The following KCNT2 variants were observed in gnomAD, a reference collection of about 807,000 sequenced individuals.
KCNT2 encodes potassium sodium-activated channel subfamily T member 2, also known as potassium channel subfamily T member 2.
KCNT2 carries 67 observed loss-of-function variants against 153.8 expected under a neutral mutation model. The observed-to-expected ratio is 0.44, with a 90% CI of 0.36 to 0.53. The LOEUF (loss-of-function observed/expected upper bound fraction) is 0.53. KCNT2 is among the 20% of genes least tolerant of loss of function. KCNT2 has a pLI of 0.00. For synonymous variants in KCNT2, 500 were observed against 458.8 expected (o/e 1.09, Z -1.15); for missense variants, 975 against 1,354.8 (o/e 0.72, Z 4.40).
intron 22 of KCNT2, among the ~76,000 whole-genome samples, chr1:196,289,602 CAATACCT>C (rs1391529018): frequency 6.6e-6 from 1 of 152,048 alleles, no homozygotes; most frequent in Non-Finnish European, 1.5e-5. Flanking sequence ...GAGGTTCACT[CAATACCT>C]CTATTTTGTC....
intron 1 of KCNT2, among the ~76,000 whole-genome samples, chr1:196,559,461 C>T (rs756499148): frequency 8.6e-5 from 13 of 151,578 alleles, no homozygotes; most frequent in East Asian, 1.9e-4. Flanking sequence ...ATTTCAGATA[C>T]GTTCTTAGGG....
chr1:196,303,340 A>G (rs578018677), intron 22 of KCNT2, among the ~76,000 whole-genome samples: 2 of 152,286 alleles, frequency 1.3e-5, no homozygotes, highest in South Asian at 4.1e-4. Flanking sequence ...CTGCAAAAAT[A>G]TTAAGTTTTA....
At chr1:196,262,503 A>G (rs1231782821) in intron 25 of KCNT2, among the ~76,000 whole-genome samples, 1 of 152,038 alleles carries the variant, frequency 6.6e-6, no homozygotes, top group African/African-American at 2.4e-5. Context: ...AAGAATCCTT[A>G]TCTGATATTT....
chr1:196,496,408 C>T (rs1680258942), intron 1 of KCNT2, among the ~76,000 whole-genome samples: 1 of 149,236 alleles, frequency 6.7e-6, no homozygotes, highest in African/African-American at 2.5e-5. Flanking sequence ...GCAGAGGTTG[C>T]AGTGAGCCGA....
chr1:196,284,686 T>C (rs890866498), intron 23 of KCNT2, among the ~76,000 whole-genome samples: 2 of 152,090 alleles, frequency 1.3e-5, no homozygotes, highest in East Asian at 1.9e-4. Flanking sequence ...CCAGATAATA[T>C]GTCTGGAAAC....
chr1:196,425,756 T>C, intron 11 of KCNT2, 96 bp downstream of exon 11: 1 of 1,264,970 alleles, frequency 7.9e-7, no homozygotes, highest in East Asian at 2.3e-5. Flanking sequence ...CTTTAACACA[T>C]CTTGCAACAC....
chr1:196,378,188 A>T (rs184392556), intron 13 of KCNT2, among the ~76,000 whole-genome samples: 2 of 152,258 alleles, frequency 1.3e-5, no homozygotes, highest in Non-Finnish European at 1.5e-5. Context: ...AGGTTTCTCA[A>T]TTCGTGTGCC....
chr1:196,459,723 G>A (rs1025670303), intron 8 of KCNT2, among the ~76,000 whole-genome samples: 15 of 151,868 alleles, frequency 9.9e-5, no homozygotes, highest in Admixed American at 9.9e-4. Flanking sequence ...TCTGAATGCT[G>A]AAAACTTTCA....
At chr1:196,466,454 C>T (rs1677624202) in intron 7 of KCNT2, among the ~76,000 whole-genome samples, 1 of 151,852 alleles carries the variant, frequency 6.6e-6, no homozygotes, top group Non-Finnish European at 1.5e-5. Context: ...AAAACGTTAT[C>T]CAAATATTCC....
chr1:196,524,487 C>G (rs1653915308), intron 1 of KCNT2, among the ~76,000 whole-genome samples: 1 of 152,100 alleles, frequency 6.6e-6, no homozygotes, highest in Admixed American at 6.6e-5. Flanking sequence ...ATAATTATCA[C>G]TAATGCCATA....
chr1:196,402,612 G>A (rs1046636022), intron 12 of KCNT2, among the ~76,000 whole-genome samples: 13 of 151,400 alleles, frequency 8.6e-5, no homozygotes, highest in African/African-American at 2.9e-4. Context: ...GAAAAACAGA[G>A]GAACCAAAAT....
intron 16 of KCNT2, among the ~76,000 whole-genome samples, chr1:196,335,102 G>A (rs1664889731): frequency 6.6e-6 from 1 of 152,066 alleles, no homozygotes; most frequent in South Asian, 2.1e-4. Flanking sequence ...CTCTCCTTCT[G>A]GAGAAAATAA....
intron 1 of KCNT2, among the ~76,000 whole-genome samples, chr1:196,600,943 G>C (rs1411557733): frequency 6.6e-6 from 1 of 152,122 alleles, no homozygotes; most frequent in Non-Finnish European, 1.5e-5. Flanking sequence ...TTTTGACTTT[G>C]TACTGTGTAT....
Position 196,437,038 on chromosome 1 carries a change from C to T in KCNT2, c.639-7281G>A, listed in dbSNP as rs1254911171. On this transcript the variant is annotated intron_variant, in intron 8 of 27. Transcript: ENST00000294725. The stretch of plus-strand genomic sequence containing the variant: ...TATATTTATATACATAAATATATAT[C>T]ATATATAAATATATATTTATATACA... Among the ~76,000 whole-genome samples, 13 of 4,482 alleles carry T rather than the reference C, an allele frequency of 2.9e-3. No homozygotes were observed. In the South Asian group the frequency reaches 0.088, roughly 30 times the overall value. 2.9% of individuals were successfully genotyped at this position (4,482 alleles called of 152,430 possible). A position where few individuals can be genotyped will look rare whatever the true frequency, so the allele number is the denominator to read the frequency against.
At chr1:196,435,676 T>C (rs1674595102) in intron 8 of KCNT2, among the ~76,000 whole-genome samples, 2 of 151,718 alleles carry the variant, frequency 1.3e-5, no homozygotes, top group Non-Finnish European at 3.0e-5. Flanking sequence ...CATGCTCTAA[T>C]ACAAAGTTCA....
intron 21 of KCNT2, among the ~76,000 whole-genome samples, chr1:196,309,387 A>G (rs1171457440): frequency 6.6e-6 from 1 of 151,982 alleles, no homozygotes; most frequent in Non-Finnish European, 1.5e-5. Flanking sequence ...ATATGTAGCT[A>G]GAAGTATTTG....
At chr1:196,462,652 C>CTTAA (rs1370798160) in intron 8 of KCNT2, among the ~76,000 whole-genome samples, 1 of 151,440 alleles carries the variant, frequency 6.6e-6, no homozygotes, top group Non-Finnish European at 1.5e-5. Flanking sequence ...ATGCTATTTG[C>CTTAA]TTAACACTTT....
chr1:196,258,581 T>A (rs1656723388), intron 25 of KCNT2, 87 bp from the exon 26 acceptor site: 4 of 1,035,198 alleles, frequency 3.9e-6, no homozygotes, highest in Non-Finnish European at 5.6e-6. Flanking sequence ...GCTAATATAT[T>A]GTTATATTTC....
At chr1:196,532,173 T>C (rs1655028674) in intron 1 of KCNT2, among the ~76,000 whole-genome samples, 1 of 152,064 alleles carries the variant, frequency 6.6e-6, no homozygotes, top group Non-Finnish European at 1.5e-5. Flanking sequence ...ATTTAAAACA[T>C]AAGTCCATGA....
Sources: gnomAD v4.1 joint callset for allele counts (sites outside exome capture counted in the v4.1 genomes callset) on GRCh38, gnomAD v4.1.1 for gene constraint, MANE v1.5 for transcripts, NCBI Gene and HGNC (gene_info 2026-07-23, HGNC 2026-07-21) for gene names.